The following OTUD5 variants were observed in gnomAD, a reference collection of about 807,000 sequenced individuals.
The protein encoded by OTUD5 is OTU deubiquitinase 5.
OTUD5 carries 2 observed loss-of-function variants against 36.3 expected under a neutral mutation model. The ratio of observed to expected loss-of-function variants is 0.06; its 90% CI spans 0.02 to 0.17. OTUD5 has a LOEUF of 0.17. OTUD5 is among the 10% of genes least tolerant of loss of function. OTUD5 has a pLI of 1.00. For synonymous variants in OTUD5, 234 were observed against 214.9 expected (o/e 1.09, Z -0.78); for missense variants, 233 against 512.3 (o/e 0.45, Z 5.26).
chrX:48,937,550 G>A (rs2063848138), intron 2 of OTUD5, among the ~76,000 whole-genome samples: 1 of 112,148 alleles, frequency 8.9e-6, no homozygotes, highest in Non-Finnish European at 1.9e-5. Flanking sequence ...ACAGGGAAGG[G>A]ATCTGGGGGA....
upstream of OTUD5, chrX:48,957,731 C>CGGA (rs1243335255): frequency 4.3e-6 from 3 of 698,574 alleles, no homozygotes; most frequent in African/African-American, 1.0e-4. Flanking sequence ...GCGGAGGAGG[C>CGGA]GGCGGCGGCG....
intron 5 of OTUD5, among the ~76,000 whole-genome samples, chrX:48,927,897 C>A (rs1201539478): frequency 2.7e-5 from 3 of 112,110 alleles, no homozygotes; most frequent in Admixed American, 1.9e-4. Context: ...AGCCATCAGT[C>A]ACCTCATTAG....
At chrX:48,942,366 C>T (rs1349574954) in intron 2 of OTUD5, among the ~76,000 whole-genome samples, 2 of 105,568 alleles carry the variant, frequency 1.9e-5, no homozygotes, top group African/African-American at 7.1e-5. Context: ...CTACACAAGC[C>T]AGGTCCTCAC....
intron 1 of OTUD5, among the ~76,000 whole-genome samples, chrX:48,945,963 C>T (rs947200956): frequency 7.2e-5 from 8 of 111,418 alleles, no homozygotes; most frequent in Non-Finnish European, 1.3e-4. Flanking sequence ...CTACCAGAAG[C>T]AGCCAGCCTG....
At chrX:48,927,946 T>C (rs929591444) in intron 5 of OTUD5, among the ~76,000 whole-genome samples, 6 of 112,487 alleles carry the variant, frequency 5.3e-5, no homozygotes, top group African/African-American at 1.9e-4. Flanking sequence ...CTAAGGATTT[T>C]AGGAATTGTA....
In OTUD5 at chrX:48,955,514, G is replaced by A. The variant is rs782058689; in HGVS notation, c.594+1463C>T. Among the ~76,000 whole-genome samples the A allele has an allele frequency of 7.2e-5, 8 of 111,404 alleles. No individual in the cohort carries two copies. In the South Asian group the frequency reaches 2.6e-3, roughly 37 times the overall value. On this transcript the variant is annotated intron_variant, in intron 1 of 8. Coordinates refer to ENST00000376488, the MANE Select transcript of OTUD5 (RefSeq NM_001136157.2). ...ACCTCTAGACACACAAGTCACCAAGGTATGTATGAGTCTCCTGTCCCTGAA... is the reference window on the plus strand; with the variant it reads ...ACCTCTAGACACACAAGTCACCAAGATATGTATGAGTCTCCTGTCCCTGAA...
chrX:48,923,975 G>A lies in OTUD5; in HGVS notation c.1341C>T (p.Ser447=). The part of the protein sequence containing the change: ...SSGLEEWTSR[S]PRQRSSASSP... The stretch of plus-strand genomic sequence containing the variant: ...ACGAGGCTGAACTCCGCTGCCGCGG[G>A]GACCGGCTAGTCCACTCCTCCAGGC... The change falls in exon 7 of 9, where the codon TCC becomes TCT. Residue 447 remains serine, a synonymous_variant. Transcript: ENST00000376488. 1 of 1,209,143 alleles carries A rather than the reference G, an allele frequency of 8.3e-7. No homozygotes were observed. The highest frequency in any genetic ancestry group is 1.8e-5 in the South Asian group (1 of 56,518).
At chrX:48,955,259 G>A (rs1319245710) in intron 1 of OTUD5, among the ~76,000 whole-genome samples, 1 of 111,647 alleles carries the variant, frequency 9.0e-6, no homozygotes, top group Non-Finnish European at 1.9e-5. Flanking sequence ...CTGAGGTGAG[G>A]TGACAGTACC....
chrX:48,952,361 T>A (rs1440430017), intron 1 of OTUD5, among the ~76,000 whole-genome samples: 1 of 111,413 alleles, frequency 9.0e-6, no homozygotes, highest in Non-Finnish European at 1.9e-5. Flanking sequence ...TTTAAGGTGA[T>A]GAAAATGTTC....
intron 1 of OTUD5, among the ~76,000 whole-genome samples, chrX:48,948,803 C>A (rs2147657019): frequency 8.9e-6 from 1 of 111,848 alleles, no homozygotes; most frequent in South Asian, 3.7e-4. Context: ...AGATTGTGAA[C>A]CTTGCAAACT....
Position 48,934,320 on chromosome X carries a change from ATTTTTTTTT to A in OTUD5, c.1059+135_1059+143del. ...GAGAGATCACCTTAAGTAACTCCCT[ATTTTTTTTT>A]TTTTTTTTGTAAGGGTGAGACCTCA... On this transcript the variant is annotated intron_variant, in intron 5 of 8. Coordinates refer to ENST00000376488, the MANE Select transcript of OTUD5 (RefSeq NM_001136157.2). 4 of 378,505 alleles carry A rather than the reference ATTTTTTTTT, an allele frequency of 1.1e-5. No individual in the cohort carries two copies. The South Asian group carries it at 1.7e-4, about 16-fold the overall frequency. The allele number at this position is 378,505 out of a possible 1,213,427, so 31.2% of individuals were successfully genotyped here.
At chrX:48,945,356 T>C (rs2064007890) in intron 1 of OTUD5, among the ~76,000 whole-genome samples, 1 of 102,941 alleles carries the variant, frequency 9.7e-6, no homozygotes, top group African/African-American at 3.6e-5. Context: ...CTGCAAGCTC[T>C]GCCTCCCGGG....
At position 48,957,342 on chromosome X, in the gene OTUD5, C is replaced by T; in HGVS notation, c.229G>A (p.Ala77Thr). Reference protein sequence around the residue: ...PQGPLPGPPGALHRWALAVPP... With the variant: ...PQGPLPGPPGTLHRWALAVPP... Reference sequence around the variant, plus strand: ...ACGGCCAGCGCCCAGCGATGAAGAGCGCCCGGCGGTCCTGGTAGCGGGCCT... The same window carrying T: ...ACGGCCAGCGCCCAGCGATGAAGAGTGCCCGGCGGTCCTGGTAGCGGGCCT... Residue 77 changes from alanine (A) to threonine (T), a missense_variant, in exon 1 of 9, where the codon GCT becomes ACT. Transcript: ENST00000376488. The T allele has an allele frequency of 8.8e-7, 1 of 1,130,628 alleles. No individual in the cohort carries two copies. Among genetic ancestry groups the T allele is most frequent in the Non-Finnish European group, 1.2e-6 (1 of 863,980 alleles). The allele number at this position is 1,130,628 out of a possible 1,213,427, so 93.2% of individuals were successfully genotyped here. A position where few individuals can be genotyped will look rare whatever the true frequency, so the allele number is the denominator to read the frequency against.
At chrX:48,948,244 G>C (rs1198792701) in intron 1 of OTUD5, among the ~76,000 whole-genome samples, 1 of 112,522 alleles carries the variant, frequency 8.9e-6, no homozygotes. Context: ...AGTTACTTGG[G>C]AGGCTGAGAC....
intron 5 of OTUD5, among the ~76,000 whole-genome samples, chrX:48,930,107 AAATAAT>A (rs1204739722): frequency 3.6e-5 from 4 of 111,471 alleles, no homozygotes; most frequent in Admixed American, 9.5e-5. Flanking sequence ...CTGTCTCAAA[AAATAAT>A]AATAATAAAA....
chrX:48,951,137 T>C (rs1206368526), intron 1 of OTUD5, among the ~76,000 whole-genome samples: 16 of 12,673 alleles, frequency 1.3e-3, no homozygotes, highest in Non-Finnish European at 2.2e-3. Flanking sequence ...GCCACTGAAG[T>C]GGGGGTGGGG....
At chrX:48,935,252 C>A (rs1557049704) in intron 2 of OTUD5, among the ~76,000 whole-genome samples, 1 of 111,995 alleles carries the variant, frequency 8.9e-6, no homozygotes, top group African/African-American at 3.3e-5. Flanking sequence ...CATCCACAGG[C>A]CTCTTGGGCA....
intron 2 of OTUD5, among the ~76,000 whole-genome samples, chrX:48,936,797 T>C (rs1422237050): frequency 2.7e-5 from 3 of 111,597 alleles, no homozygotes; most frequent in Non-Finnish European, 5.7e-5. Flanking sequence ...GGCCTGAAGA[T>C]CATGCAAGTC....
At chrX:48,944,369 A>G in intron 1 of OTUD5, 86 bp from the exon 2 acceptor site, 1 of 584,784 alleles carries the variant, frequency 1.7e-6, no homozygotes, top group South Asian at 2.5e-5. Context: ...AGAGGCCTAG[A>G]TCATTGACAG....
Sources: allele counts gnomAD v4.1 joint callset (sites outside exome capture counted in the v4.1 genomes callset), GRCh38; gene constraint gnomAD v4.1.1; transcripts MANE v1.5; gene names NCBI Gene and HGNC (gene_info 2026-07-23, HGNC 2026-07-21).